MED13: variants seen among roughly 807,000 people sequenced by gnomAD.
MED13 encodes mediator complex subunit 13.
A neutral mutation model predicts 225.2 loss-of-function variants in MED13; 23 were observed. The observed-to-expected ratio is 0.10, with a 90% CI of 0.07 to 0.14. MED13 has a LOEUF of 0.14. Ranked by LOEUF, MED13 falls within the 10% of genes least tolerant of loss-of-function variation. The pLI is 1.00. For synonymous variants in MED13, 942 were observed against 889.2 expected (o/e 1.06, Z -1.06); for missense variants, 2,197 against 2,594.5 (o/e 0.85, Z 3.33).
At chr17:61,949,708 G>A (rs7211128) in intron 28 of MED13, among the ~76,000 whole-genome samples, 11,410 of 151,686 alleles carry the variant, frequency 0.075, 1,471 homozygotes, top group African/African-American at 0.26. Flanking sequence ...TTTGTTTTGA[G>A]ATGGAATCTC....
At chr17:62,016,346 T>C (rs2143618665) in intron 8 of MED13, among the ~76,000 whole-genome samples, 1 of 152,194 alleles carries the variant, frequency 6.6e-6, no homozygotes, top group East Asian at 1.9e-4. Context: ...TTGAATGGGT[T>C]CTTTTTGAAT....
Position 61,960,991 on chromosome 17 carries a change from T to C in MED13, c.5356A>G (p.Lys1786Glu). 1 of 1,613,988 alleles carries C rather than the reference T, an allele frequency of 6.2e-7. No homozygotes were observed. Among genetic ancestry groups the C allele is most frequent in the Non-Finnish European group, 8.5e-7 (1 of 1,179,960 alleles). ...LGETFGEAGQ[K>E]YNVLFVGYCL... ...TATCCCACAAAAAGAACATTATATT[T>C]CTGTCCAGCTTCTCCAAATGTTTCT... Residue 1786 changes from lysine to glutamate, a missense_variant, in exon 23 of 30, where the codon AAA becomes GAA. Around this residue, in one of 12 missense-constraint regions of MED13, gnomAD observed 78 missense variants for 82.1 expected, o/e 0.95. Transcript: ENST00000397786.
At chr17:62,002,314 A>G (rs561190920) in intron 9 of MED13, among the ~76,000 whole-genome samples, 3 of 152,094 alleles carry the variant, frequency 2.0e-5, no homozygotes, top group African/African-American at 7.2e-5. Context: ...ACATGGCGAA[A>G]CCCGTCTCTA....
chr17:61,949,535 T>TTG (rs1275883025), intron 28 of MED13, among the ~76,000 whole-genome samples: 3 of 152,142 alleles, frequency 2.0e-5, no homozygotes, highest in African/African-American at 7.2e-5. Flanking sequence ...CCTGAGTTTG[T>TTG]TGTAATAAAT....
intron 9 of MED13, among the ~76,000 whole-genome samples, chr17:62,001,910 T>C (rs906827435): frequency 2.0e-5 from 3 of 152,114 alleles, no homozygotes; most frequent in Admixed American, 2.0e-4. Context: ...AAAAGAAAAA[T>C]AATACTCCTA....
chr17:61,953,015 G>A lies in MED13; in HGVS notation c.6067C>T (p.Pro2023Ser). 6.2e-7 allele frequency: 1 copy of A among 1,614,070 alleles called. No individual in the cohort carries two copies. Among genetic ancestry groups the A allele is most frequent in the Non-Finnish European group, 8.5e-7 (1 of 1,179,962 alleles). Residue 2023 changes from proline to serine, a missense_variant, in exon 27 of 30, where the codon CCT becomes TCT. Transcript: ENST00000397786. ...NILPASPTGS[P>S]VHSPGSHYPH... The stretch of plus-strand genomic sequence containing the variant: ...TAATGAGATCCTGGAGAATGTACAG[G>A]AGAACCAGTTGGAGAAGCAGGAAGG...
intron 3 of MED13, among the ~76,000 whole-genome samples, chr17:62,048,064 G>GTATATATATATATATATATATATATA (rs1357948287): frequency 8.9e-6 from 1 of 112,906 alleles, no homozygotes; most frequent in East Asian, 2.5e-4. Context: ...ATATATATAT[G>GTATATATATATATATATATATATATA]TATATATGTA....
intron 20 of MED13, among the ~76,000 whole-genome samples, chr17:61,963,656 TACA>T (rs1015092553): frequency 1.3e-5 from 2 of 152,188 alleles, no homozygotes; most frequent in African/African-American, 4.8e-5. Context: ...TTCAATGGTG[TACA>T]AGTTTCATTC....
chr17:61,982,100 G>T (rs757937502), intron 16 of MED13, 98 bp downstream of exon 16: 100 of 1,166,454 alleles, frequency 8.6e-5, no homozygotes, highest in Non-Finnish European at 1.2e-4. Flanking sequence ...AACTTTAAAT[G>T]TATTTGCCAC....
chr17:61,948,868 C>CCT, intron 28 of MED13, among the ~76,000 whole-genome samples: 1 of 151,140 alleles, frequency 6.6e-6, no homozygotes, highest in African/African-American at 2.4e-5. Flanking sequence ...GGGCGGATCA[C>CCT]GAGGTCAGGA....
intron 11 of MED13, among the ~76,000 whole-genome samples, chr17:61,990,591 A>G (rs938725428): frequency 1.4e-5 from 2 of 145,316 alleles, no homozygotes; most frequent in East Asian, 3.9e-4. Context: ...GGGTCTCACT[A>G]TATATATATA....
intron 11 of MED13, among the ~76,000 whole-genome samples, chr17:61,987,839 C>T (rs1447036068): frequency 6.6e-6 from 1 of 152,102 alleles, no homozygotes; most frequent in South Asian, 2.1e-4. Flanking sequence ...GTAGCCTTGA[C>T]CTCTCGGGTT....
chr17:62,026,387 T>C (rs1447717410), intron 8 of MED13, among the ~76,000 whole-genome samples: 1 of 151,804 alleles, frequency 6.6e-6, no homozygotes, highest in African/African-American at 2.4e-5. Context: ...CAGAATCCTA[T>C]TTTCTGAATC....
At chr17:61,964,968 T>C in intron 20 of MED13, 38 bp downstream of exon 20, 1 of 1,562,644 alleles carries the variant, frequency 6.4e-7, no homozygotes, top group Non-Finnish European at 8.7e-7. Flanking sequence ...GCATCATAGT[T>C]TTTATATTTC....
At position 61,984,716 on chromosome 17, in the gene MED13, T is replaced by C. The variant is rs931705655; in HGVS notation, c.2626A>G (p.Ile876Val). 5.0e-6 allele frequency: 8 copies of C among 1,613,952 alleles called. No individual in the cohort carries two copies. The highest frequency in any genetic ancestry group is 1.6e-4 in the Middle Eastern group (1 of 6,080). The change falls in exon 14 of 30, where the codon ATA becomes GTA. Residue 876 changes from isoleucine to valine, a missense_variant. Ile to Val is a conservative substitution (Grantham distance 29). Transcript: ENST00000397786. ...GTVLEGNSSSIGAQFKIEVDE... is the reference protein window; with the variant it reads ...GTVLEGNSSSVGAQFKIEVDE... ...ACCTCAATTTTGAACTGCGCTCCTATACTAGAACTATTTCCTTCTAGAACA... is the reference window on the plus strand; with the variant it reads ...ACCTCAATTTTGAACTGCGCTCCTACACTAGAACTATTTCCTTCTAGAACA...
At chr17:61,981,875 A>G (rs2080207880) in intron 16 of MED13, among the ~76,000 whole-genome samples, 1 of 152,266 alleles carries the variant, frequency 6.6e-6, no homozygotes, top group Non-Finnish European at 1.5e-5. Context: ...TGGCACATAC[A>G]AGGTGCCCAG....
intron 5 of MED13, 56 bp from the exon 6 acceptor site, chr17:62,031,694 G>C (rs1232468266): frequency 1.7e-6 from 2 of 1,193,738 alleles, no homozygotes; most frequent in Non-Finnish European, 2.3e-6. Flanking sequence ...TAGTGAATTA[G>C]TTTCACTCAA....
At chr17:62,026,596 C>G (rs2080704942) in intron 8 of MED13, among the ~76,000 whole-genome samples, 1 of 151,070 alleles carries the variant, frequency 6.6e-6, no homozygotes. Flanking sequence ...CCAGAAGAAT[C>G]AGGGAGAAAA....
intron 8 of MED13, among the ~76,000 whole-genome samples, chr17:62,017,578 T>C (rs1023455727): frequency 6.6e-6 from 1 of 152,160 alleles, no homozygotes; most frequent in Non-Finnish European, 1.5e-5. Flanking sequence ...GACTTTTTTA[T>C]TATGTTGAAA....
Sources: gnomAD v4.1 joint callset for allele counts (sites outside exome capture counted in the v4.1 genomes callset) on GRCh38, gnomAD v4.1.1 for gene constraint, gnomAD v4.1.1 regional missense constraint, MANE v1.5 for transcripts, NCBI Gene and HGNC (gene_info 2026-07-23, HGNC 2026-07-21) for gene names.